PSD2: variants seen among roughly 807,000 people sequenced by gnomAD.
PSD2 encodes pleckstrin and Sec7 domain containing 2, also known as PH and SEC7 domain-containing protein 2.
In PSD2, 38 loss-of-function variants were observed where a neutral mutation model predicts 69.8. That is an observed-to-expected ratio of 0.54 (90% CI 0.42 to 0.71). The LOEUF (loss-of-function observed/expected upper bound fraction) is 0.71, where lower values mean the gene tolerates loss of function less well. Among genes scored for constraint, PSD2 ranks in the 30% least tolerant of loss-of-function variants. PSD2 has a pLI of 0.00. For synonymous variants in PSD2, 412 were observed against 423.0 expected (o/e 0.97, Z 0.32); for missense variants, 943 against 1,014.5 (o/e 0.93, Z 0.96).
chr5:139,836,868 A>T lies in PSD2; in HGVS notation c.1461A>T (p.Thr487=). The T allele has an allele frequency of 6.2e-7, 1 of 1,614,194 alleles. No homozygotes were observed. The change falls in exon 10 of 15, where the codon ACA becomes ACT. Residue 487 remains threonine, a synonymous_variant. Coordinates refer to ENST00000274710, the MANE Select transcript of PSD2 (RefSeq NM_032289.4). The stretch of plus-strand genomic sequence containing the variant: ...AGCTGGTGGATGACAAGTTCGGGAC[A>T]GGCACGAAGAAGGTGACGCGAATCC... ...LSELVDDKFG[T]GTKKVTRILD...
chr5:139,788,817 G>C, the PSD2 span, among the ~76,000 whole-genome samples: 1 of 152,232 alleles, frequency 6.6e-6, no homozygotes, highest in Non-Finnish European at 1.5e-5. Flanking sequence ...TCGTCGCTGG[G>C]GGAGGGATTG....
chr5:139,788,571 C>T, the PSD2 span, among the ~76,000 whole-genome samples: 2 of 152,236 alleles, frequency 1.3e-5, no homozygotes, highest in African/African-American at 2.4e-5. Flanking sequence ...CAGGCCTGGA[C>T]GGCCAGCTGG....
intron 2 of PSD2, among the ~76,000 whole-genome samples, chr5:139,811,816 A>C (rs1259295006): frequency 6.6e-6 from 1 of 151,902 alleles, no homozygotes; most frequent in African/African-American, 2.4e-5. Context: ...GATGGTCTAG[A>C]TCTCCTGACC....
chr5:139,787,412 T>C, the PSD2 span, among the ~76,000 whole-genome samples: 2 of 152,222 alleles, frequency 1.3e-5, no homozygotes, highest in Admixed American at 1.3e-4. Flanking sequence ...CACTGAACTT[T>C]CTGAGCTCGT....
At chr5:139,790,605 G>C in the PSD2 span, among the ~76,000 whole-genome samples, 1 of 152,216 alleles carries the variant, frequency 6.6e-6, no homozygotes, top group Non-Finnish European at 1.5e-5. Flanking sequence ...AGGGAAGAAA[G>C]TATGTCAAGG....
the PSD2 span, among the ~76,000 whole-genome samples, chr5:139,752,061 G>C: frequency 7.2e-5 from 11 of 152,168 alleles, no homozygotes; most frequent in African/African-American, 2.4e-4. Flanking sequence ...CAAAAGTGCT[G>C]GGATTACAGG....
chr5:139,809,934 A>G lies in PSD2; in HGVS notation c.371+123A>G, dbSNP rs1759918513. The G allele has an allele frequency of 1.0e-5, 11 of 1,086,118 alleles. No homozygotes were observed. The South Asian group carries it at 1.5e-4, about 15-fold the overall frequency. The allele number at this position is 1,086,118 out of a possible 1,614,324, so 67.3% of individuals were successfully genotyped here. A position where few individuals can be genotyped will look rare whatever the true frequency, so the allele number is the denominator to read the frequency against. On this transcript the variant is annotated intron_variant, in intron 2 of 14. Coordinates refer to ENST00000274710, the MANE Select transcript of PSD2 (RefSeq NM_032289.4). Reference sequence around the variant, plus strand: ...CTCACACATAAAATGGGGATTTCATATCCCTCTTTTGCCCAGATTCTGGGT... The same window carrying G: ...CTCACACATAAAATGGGGATTTCATGTCCCTCTTTTGCCCAGATTCTGGGT...
At chr5:139,778,786 G>A in the PSD2 span, among the ~76,000 whole-genome samples, 7 of 151,956 alleles carry the variant, frequency 4.6e-5, no homozygotes, top group Non-Finnish European at 1.0e-4. Flanking sequence ...AAAATTAGCT[G>A]GGTGTGGTGG....
intron 7 of PSD2, 45 bp from the exon 8 acceptor site, chr5:139,833,657 C>G: frequency 6.9e-7 from 1 of 1,439,970 alleles, no homozygotes; most frequent in Non-Finnish European, 9.8e-7. Context: ...GGGAACACAC[C>G]AGCCTCCTTC....
chr5:139,793,602 T>C (rs946091427), upstream of PSD2, among the ~76,000 whole-genome samples: 6 of 152,230 alleles, frequency 3.9e-5, no homozygotes, highest in Non-Finnish European at 8.8e-5. Flanking sequence ...GAGACAGCTA[T>C]GTCTACCTTT....
intron 2 of PSD2, among the ~76,000 whole-genome samples, chr5:139,812,567 C>A (rs1759997734): frequency 6.6e-6 from 1 of 152,168 alleles, no homozygotes; most frequent in African/African-American, 2.4e-5. Flanking sequence ...ATACAGTAAA[C>A]AGGGGAACAG....
the PSD2 span, among the ~76,000 whole-genome samples, chr5:139,779,504 G>A: frequency 0.014 from 2,127 of 152,242 alleles, 24 homozygotes; most frequent in Non-Finnish European, 0.022. Flanking sequence ...ACTTCAACAT[G>A]TTTATCATGA....
In PSD2 at chr5:139,809,482, C is replaced by T. The variant is rs745595352; in HGVS notation, c.42C>T (p.Gly14=). The T allele has an allele frequency of 8.1e-6, 13 of 1,612,276 alleles. No homozygotes were observed. The highest frequency in any genetic ancestry group is 4.5e-5 in the East Asian group (2 of 44,872). Residue 14 remains glycine (G), a synonymous_variant, in exon 2 of 15, where the codon GGC becomes GGT. Transcript: ENST00000274710. Reference sequence around the variant, plus strand: ...TCTTATCTGCAGTGCCTGAGGAAGGCGATGCCACCCGTGACCCCGGTCCAG... The same window carrying T: ...TCTTATCTGCAGTGCCTGAGGAAGGTGATGCCACCCGTGACCCCGGTCCAG... ...DKLLSAVPEE[G]DATRDPGPEP...
At chr5:139,787,513 C>T in the PSD2 span, among the ~76,000 whole-genome samples, 1 of 152,244 alleles carries the variant, frequency 6.6e-6, no homozygotes, top group African/African-American at 2.4e-5. Context: ...TCAGCATGAG[C>T]CTGGCTCACA....
At position 139,813,422 on chromosome 5, in the gene PSD2, A is replaced by T. The variant is rs776427973; in HGVS notation, c.485A>T (p.Asp162Val). The T allele has an allele frequency of 1.2e-6, 2 of 1,613,928 alleles. No homozygotes were observed. Among genetic ancestry groups the T allele is most frequent in the Non-Finnish European group, 1.7e-6 (2 of 1,179,810 alleles). ...GTQYSSLDSL[D>V]GLSLTDESDS... ...CAGTACAGCAGCCTCGACTCCCTAG[A>T]CGGGCTGAGCCTCACGGATGAGAGC... The change falls in exon 3 of 15, where the codon GAC becomes GTC. Residue 162 changes from aspartate (D) to valine (V), a missense_variant. Asp to Val is a radical substitution (Grantham distance 152). Coordinates refer to ENST00000274710, the MANE Select transcript of PSD2 (RefSeq NM_032289.4).
At position 139,813,325 on chromosome 5, in the gene PSD2, G is replaced by A. The variant is rs1415852750; in HGVS notation, c.388G>A (p.Glu130Lys). The change falls in exon 3 of 15, where the codon GAG becomes AAG. Residue 130 changes from glutamate (E) to lysine (K), a missense_variant. Around this residue, in one of 3 missense-constraint regions of PSD2, gnomAD observed 466 missense variants for 445.0 expected, o/e 1.05. Transcript: ENST00000274710. Reference sequence around the variant, plus strand: ...ATCCCACAGGTTGGATGGTCCCGGGGAGCCAGATGTGCGGGATGGCTTCAG... The same window carrying A: ...ATCCCACAGGTTGGATGGTCCCGGGAAGCCAGATGTGCGGGATGGCTTCAG... ...DPQLGLDGPG[E>K]PDVRDGFSAT... 1.3e-6 allele frequency: 2 copies of A among 1,557,166 alleles called. No individual in the cohort carries two copies. The highest frequency in any genetic ancestry group is 1.7e-4 in the Middle Eastern group (1 of 5,806).
At chr5:139,761,927 A>G in the PSD2 span, among the ~76,000 whole-genome samples, 1 of 152,174 alleles carries the variant, frequency 6.6e-6, no homozygotes, top group Non-Finnish European at 1.5e-5. Flanking sequence ...CCTCATCCCA[A>G]CCATGAGGAC....
Position 139,813,539 on chromosome 5 carries a change from G to C in PSD2, c.602G>C (p.Gly201Ala). 6.2e-7 allele frequency: 1 copy of C among 1,609,756 alleles called. No individual in the cohort carries two copies. The highest frequency in any genetic ancestry group is 2.2e-5 in the East Asian group (1 of 44,726). Residue 201 changes from glycine (G) to alanine (A), a missense_variant, in exon 3 of 15, where the codon GGG (glycine) becomes GCG (alanine). Gly to Ala is a moderately conservative substitution (Grantham distance 60). Transcript: ENST00000274710. ...SPEPGAGLGI[G>A]DMAFEGDMGA... is the part of the protein sequence containing the mutation. The stretch of plus-strand genomic sequence containing the variant: ...GAGCCAGGGGCTGGGTTGGGCATTG[G>C]GGACATGGCGTTTGAGGGGGACATG...
chr5:139,837,082 C>G lies in PSD2; in HGVS notation c.1594+81C>G. 6.3e-7 allele frequency: 1 copy of G among 1,595,760 alleles called. No homozygotes were observed. Among genetic ancestry groups the G allele is most frequent in the East Asian group, 2.2e-5 (1 of 44,702 alleles). On this transcript the variant is annotated intron_variant, in intron 10 of 14. Transcript: ENST00000274710. This position sits in a 1 kb window ranked among gnomAD's most constrained non-coding sequence, Gnocchi z 5.0. ...CCACGGGCCACTCTTTGGGGACGAA[C>G]ATACAGGTGGACACGTAGTGGGAGG...
Sources: allele counts gnomAD v4.1 joint callset (sites outside exome capture counted in the v4.1 genomes callset), GRCh38; gene constraint gnomAD v4.1.1; regional missense constraint gnomAD v4.1.1; non-coding constraint Gnocchi (gnomAD v3.1); transcripts MANE v1.5; gene names NCBI Gene and HGNC (gene_info 2026-07-23, HGNC 2026-07-21).